Variants in SGCD observed in about 807,000 individuals in gnomAD.
SGCD encodes the protein delta-sarcoglycan.
In SGCD, 18 loss-of-function variants were observed where a neutral mutation model predicts 36.6. That is an observed-to-expected ratio of 0.49 (90% CI 0.34 to 0.73). SGCD has a LOEUF of 0.73. Among genes scored for constraint, SGCD ranks in the 30% least tolerant of loss-of-function variants. The pLI is 0.01. For missense variants in SGCD, 387 were observed against 346.7 expected (o/e 1.12, Z -0.92); for synonymous variants, 133 against 130.6 (o/e 1.02, Z -0.12).
chr5:156,416,740 A>G (rs1773061481), intron 3 of SGCD, among the ~76,000 whole-genome samples: 1 of 152,160 alleles, frequency 6.6e-6, no homozygotes, highest in Admixed American at 6.5e-5. Flanking sequence ...TTCAAAGAAT[A>G]TTTACAGCCT....
At chr5:156,479,118 A>G (rs1446531707) in intron 3 of SGCD, among the ~76,000 whole-genome samples, 3 of 152,072 alleles carry the variant, frequency 2.0e-5, no homozygotes, top group Non-Finnish European at 4.4e-5. Context: ...TTCCTGAGAC[A>G]GTCTGGCTAT....
rs1760626889 is a variant in SGCD, at chr5:156,589,288, CAGACT to C, written c.354_358del (p.Thr119SerfsTer17). The C allele has an allele frequency of 6.4e-7, 1 of 1,574,158 alleles. No individual in the cohort carries two copies. The highest frequency in any genetic ancestry group is 8.6e-7 in the Non-Finnish European group (1 of 1,158,030). ...TGTTACAGTGAACATTCTCAATGAC[CAGACT>C]AAAGTGCTAACTCAGCTTATAACAG... On this transcript the variant is annotated frameshift_variant, in exon 5 of 9. Coordinates refer to ENST00000337851, the MANE Select transcript of SGCD (RefSeq NM_000337.6). LOFTEE classifies it high-confidence loss of function.
chr5:156,655,224 C>A (rs1000020755), intron 7 of SGCD, among the ~76,000 whole-genome samples: 1 of 152,068 alleles, frequency 6.6e-6, no homozygotes, highest in South Asian at 2.1e-4. Flanking sequence ...CCTAATCAAA[C>A]ATGAGAAAAT....
chr5:156,408,864 T>C (rs975576214), intron 3 of SGCD, among the ~76,000 whole-genome samples: 9 of 152,208 alleles, frequency 5.9e-5, no homozygotes, highest in Admixed American at 1.3e-4. Context: ...CTGGTGACTT[T>C]AGGCAAGTCC....
At chr5:156,467,937 G>C (rs908813456) in intron 3 of SGCD, among the ~76,000 whole-genome samples, 4 of 152,218 alleles carry the variant, frequency 2.6e-5, no homozygotes, top group Non-Finnish European at 4.4e-5. Context: ...AGAAGTAGGA[G>C]GAAAGGGAAG....
chr5:156,329,015 T>C (rs536187418), intron 1 of SGCD, among the ~76,000 whole-genome samples: 6 of 152,218 alleles, frequency 3.9e-5, no homozygotes, highest in African/African-American at 1.4e-4. Flanking sequence ...AGGCGTGAAA[T>C]AGCAACTCCA....
At chr5:156,668,059 G>A (rs553417649) in intron 7 of SGCD, among the ~76,000 whole-genome samples, 14 of 152,194 alleles carry the variant, frequency 9.2e-5, no homozygotes, top group East Asian at 1.9e-4. Flanking sequence ...ACATATTAAC[G>A]TGTCATTATG....
chr5:155,984,297 C>G (rs1758286643), intron 1 of SGCD, among the ~76,000 whole-genome samples: 1 of 152,170 alleles, frequency 6.6e-6, no homozygotes, highest in African/African-American at 2.4e-5. Flanking sequence ...AAATCACTTT[C>G]TATGCATCTG....
intron 3 of SGCD, among the ~76,000 whole-genome samples, chr5:156,392,938 C>T (rs372023030): frequency 1.7e-4 from 26 of 152,212 alleles, no homozygotes; most frequent in African/African-American, 5.3e-4. Context: ...GCTTGGGTCT[C>T]GGGTTTTTAT....
intron 3 of SGCD, among the ~76,000 whole-genome samples, chr5:156,127,520 G>C (rs1028018079): frequency 6.6e-6 from 1 of 152,076 alleles, no homozygotes; most frequent in Non-Finnish European, 1.5e-5. Context: ...AGGAGGCTAA[G>C]GTGAAGAGAT....
At chr5:155,998,705 T>C (rs1758604659) in intron 1 of SGCD, among the ~76,000 whole-genome samples, 1 of 152,210 alleles carries the variant, frequency 6.6e-6, no homozygotes, top group Non-Finnish European at 1.5e-5. Flanking sequence ...TAAACCAGTG[T>C]ATATAAAATT....
chr5:156,647,674 G>A (rs968694226), intron 7 of SGCD, 138 bp downstream of exon 7: 15 of 654,216 alleles, frequency 2.3e-5, no homozygotes, highest in Non-Finnish European at 4.1e-5. Flanking sequence ...AGAACCAGAA[G>A]ATAAGCTACA....
chr5:156,094,209 G>T (rs1439168323), intron 1 of SGCD, among the ~76,000 whole-genome samples: 1 of 152,204 alleles, frequency 6.6e-6, no homozygotes, highest in Non-Finnish European at 1.5e-5. Context: ...CTTGGGAAGG[G>T]TTGCTGGAGC....
chr5:156,500,134 G>A (rs1245475921), intron 3 of SGCD, among the ~76,000 whole-genome samples: 7 of 152,278 alleles, frequency 4.6e-5, no homozygotes, highest in Admixed American at 4.6e-4. Context: ...ACTGGGGGCT[G>A]TATCCCCCTG....
At chr5:155,765,306 A>G in the SGCD span, among the ~76,000 whole-genome samples, 1 of 150,900 alleles carries the variant, frequency 6.6e-6, no homozygotes, top group Admixed American at 6.6e-5. Flanking sequence ...GAAAGAAAGA[A>G]AAAGGAAGGA....
intron 7 of SGCD, among the ~76,000 whole-genome samples, chr5:156,722,358 T>C (rs1277969695): frequency 1.3e-5 from 2 of 152,222 alleles, no homozygotes; most frequent in African/African-American, 4.8e-5. Flanking sequence ...AGACCAAGTT[T>C]GATTCTTGGC....
intron 1 of SGCD, among the ~76,000 whole-genome samples, chr5:156,014,160 C>T (rs1310033353): frequency 6.6e-6 from 1 of 152,032 alleles, no homozygotes; most frequent in Non-Finnish European, 1.5e-5. Context: ...TGGAGTAGTA[C>T]AACATTCTAA....
intron 1 of SGCD, among the ~76,000 whole-genome samples, chr5:155,947,427 G>A (rs375933126): frequency 9.2e-5 from 14 of 151,486 alleles, no homozygotes; most frequent in African/African-American, 2.9e-4. Flanking sequence ...AAAAAAGATG[G>A]AACTTTTTTG....
At chr5:156,242,727 G>A (rs979562597) in intron 3 of SGCD, among the ~76,000 whole-genome samples, 70 of 152,168 alleles carry the variant, frequency 4.6e-4, no homozygotes, top group Non-Finnish European at 8.8e-5. Flanking sequence ...CCTTGTAGGC[G>A]GACTGCCCCA....
Sources: gnomAD v4.1 joint callset for allele counts (sites outside exome capture counted in the v4.1 genomes callset) on GRCh38, gnomAD v4.1.1 for gene constraint, MANE v1.5 for transcripts, NCBI Gene and HGNC (gene_info 2026-07-23, HGNC 2026-07-21) for gene names.